PDGFD: variants seen among roughly 807,000 people sequenced by gnomAD.
The protein encoded by PDGFD is platelet derived growth factor D.
In PDGFD, 30 loss-of-function variants were observed where a neutral mutation model predicts 44.7. The ratio of observed to expected loss-of-function variants is 0.67; its 90% CI spans 0.50 to 0.91. The LOEUF (loss-of-function observed/expected upper bound fraction) is 0.91. Among genes scored for constraint, PDGFD ranks in the 40% least tolerant of loss-of-function variants. The probability of loss-of-function intolerance (pLI) is 0.00; values close to 1 mark genes in which losing one functional copy is unlikely to be tolerated. For missense variants in PDGFD, 445 were observed against 457.8 expected (o/e 0.97, Z 0.25); for synonymous variants, 173 against 168.4 (o/e 1.03, Z -0.21).
At chr11:104,100,750 C>T (rs1345834846) in intron 1 of PDGFD, among the ~76,000 whole-genome samples, 1 of 152,144 alleles carries the variant, frequency 6.6e-6, no homozygotes, top group Non-Finnish European at 1.5e-5. Flanking sequence ...AGCTTATCCA[C>T]CATGATCAAG....
chr11:103,910,254 G>C (rs1858006995), intron 6 of PDGFD, among the ~76,000 whole-genome samples: 1 of 152,154 alleles, frequency 6.6e-6, no homozygotes, highest in Non-Finnish European at 1.5e-5. Flanking sequence ...AAAATATGCT[G>C]GTATATCTAA....
At chr11:103,996,679 A>T (rs985299365) in intron 2 of PDGFD, among the ~76,000 whole-genome samples, 2 of 152,250 alleles carry the variant, frequency 1.3e-5, no homozygotes, top group African/African-American at 4.8e-5. Context: ...TTTCTTGAGA[A>T]AGTAAATGAC....
intron 2 of PDGFD, among the ~76,000 whole-genome samples, chr11:103,997,817 G>A: frequency 6.6e-6 from 1 of 152,104 alleles, no homozygotes; most frequent in Non-Finnish European, 1.5e-5. Flanking sequence ...CTTTAACTCT[G>A]AACCTGAAGT....
Position 103,923,373 on chromosome 11 carries a change from GC to G in PDGFD, c.987+3538del, listed in dbSNP as rs1202285385. 1.3e-5 allele frequency among the ~76,000 whole-genome samples: 2 copies of G among 152,128 alleles called. 1 individual carries two copies. Among genetic ancestry groups the G allele is most frequent in the Middle Eastern group, 6.3e-3 (2 of 316 alleles). ...ACAACTAATATGACCTGTGAAAAAA[GC>G]AATATTAGCTTCGTTAGAAGCTTTC... On this transcript the variant is annotated intron_variant, in intron 6 of 6. Transcript: ENST00000393158.
chr11:104,041,567 T>C (rs1008934091), intron 1 of PDGFD, among the ~76,000 whole-genome samples: 45 of 152,222 alleles, frequency 3.0e-4, no homozygotes, highest in African/African-American at 1.0e-3. Flanking sequence ...CATGATGAAA[T>C]AGACCTTTCC....
intron 1 of PDGFD, among the ~76,000 whole-genome samples, chr11:104,155,410 T>C (rs1012702921): frequency 1.3e-5 from 2 of 152,220 alleles, no homozygotes; most frequent in African/African-American, 4.8e-5. Flanking sequence ...CTCAGCCAGC[T>C]GGGCTTGCTT....
At chr11:104,036,815 C>A (rs1479906241) in intron 1 of PDGFD, 31 of 1,608,238 alleles carry the variant, frequency 1.9e-5, no homozygotes, top group Non-Finnish European at 2.5e-5. Flanking sequence ...CCCGCCCGGG[C>A]CCCCGCCATG....
intron 1 of PDGFD, among the ~76,000 whole-genome samples, chr11:104,057,618 C>A (rs11226133): frequency 0.17 from 26,050 of 152,128 alleles, 2,915 homozygotes; most frequent in South Asian, 0.25. Flanking sequence ...ACCCAAACCT[C>A]AGCATCATGC....
chr11:103,968,162 C>G (rs1159035883), intron 3 of PDGFD, among the ~76,000 whole-genome samples: 1 of 152,152 alleles, frequency 6.6e-6, no homozygotes, highest in African/African-American at 2.4e-5. Context: ...TTTTATCTCT[C>G]TATGTCTTCT....
intron 1 of PDGFD, among the ~76,000 whole-genome samples, chr11:104,107,305 A>G (rs1332956585): frequency 1.3e-5 from 2 of 152,124 alleles, no homozygotes; most frequent in Admixed American, 6.6e-5. Flanking sequence ...CTGCCATGTT[A>G]GAGAGGAGGT....
intron 5 of PDGFD, among the ~76,000 whole-genome samples, chr11:103,935,401 C>T (rs1394542581): frequency 6.6e-6 from 1 of 152,008 alleles, no homozygotes; most frequent in African/African-American, 2.4e-5. Context: ...TGCTGGCAAA[C>T]AGAGTAAGTG....
intron 1 of PDGFD, among the ~76,000 whole-genome samples, chr11:104,146,395 G>A (rs946733262): frequency 1.3e-5 from 2 of 152,152 alleles, no homozygotes; most frequent in Non-Finnish European, 2.9e-5. Context: ...TATTAGACTA[G>A]ACAATGTGGT....
At chr11:103,961,498 G>A (rs187641366) in intron 3 of PDGFD, among the ~76,000 whole-genome samples, 9 of 152,228 alleles carry the variant, frequency 5.9e-5, no homozygotes, top group Admixed American at 5.9e-4. Flanking sequence ...GCAGGTGAAG[G>A]AGAAAGCATG....
chr11:103,931,943 G>C (rs1361067681), intron 5 of PDGFD, among the ~76,000 whole-genome samples: 2 of 152,134 alleles, frequency 1.3e-5, no homozygotes, highest in African/African-American at 4.8e-5. Context: ...ACTCAAAGTA[G>C]GGCCATGATG....
chr11:104,159,497 G>C (rs1023621135), intron 1 of PDGFD, among the ~76,000 whole-genome samples: 1 of 152,084 alleles, frequency 6.6e-6, no homozygotes, highest in African/African-American at 2.4e-5. Context: ...TTTCCAGAAG[G>C]AAGATAATTT....
chr11:104,123,138 T>C (rs1017978444), intron 1 of PDGFD, among the ~76,000 whole-genome samples: 11 of 151,978 alleles, frequency 7.2e-5, no homozygotes, highest in African/African-American at 2.7e-4. Context: ...TCCACTTCTG[T>C]TTCAAAAAAA....
chr11:104,037,844 C>T, intron 1 of PDGFD: 1 of 1,614,144 alleles, frequency 6.2e-7, no homozygotes, highest in Non-Finnish European at 8.5e-7. Context: ...CATCAATGTT[C>T]CATCGATTTG....
In PDGFD at chr11:103,972,900, A is replaced by G. The variant is rs1854435252; in HGVS notation, c.510+23165T>C. Among the ~76,000 whole-genome samples, 4 of 152,198 alleles carry G rather than the reference A, an allele frequency of 2.6e-5. No individual in the cohort carries two copies. In the South Asian group the frequency reaches 8.3e-4, roughly 31 times the overall value. ...TAGTTTCAATGAACTGGCCAATAGC[A>G]TAAGAAACTTCTCAGAAAGTCCAGT... On this transcript the variant is annotated intron_variant, in intron 3 of 6. Transcript: ENST00000393158.
At chr11:104,047,334 T>G (rs1860459629) in intron 1 of PDGFD, among the ~76,000 whole-genome samples, 1 of 147,684 alleles carries the variant, frequency 6.8e-6, no homozygotes, top group African/African-American at 2.5e-5. Flanking sequence ...CCACAATAGT[T>G]GAACTAACTT....
Sources: allele counts gnomAD v4.1 joint callset (sites outside exome capture counted in the v4.1 genomes callset), GRCh38; gene constraint gnomAD v4.1.1; transcripts MANE v1.5; gene names NCBI Gene and HGNC (gene_info 2026-07-23, HGNC 2026-07-21).